The following ACAA2 variants were observed in gnomAD, a reference collection of about 807,000 sequenced individuals.
ACAA2 encodes 3-ketoacyl-CoA thiolase, mitochondrial.
A neutral mutation model predicts 44.8 loss-of-function variants in ACAA2; 35 were observed. That is an observed-to-expected ratio of 0.78 (90% CI 0.60 to 1.04). The LOEUF is 1.04. ACAA2 is among the 50% of genes least tolerant of loss of function. ACAA2 has a pLI of 0.00. For synonymous variants in ACAA2, 142 were observed against 166.5 expected, an observed-to-expected ratio of 0.85 and a Z score of 1.13; for missense variants, 468 against 482.6, an observed-to-expected ratio of 0.97 and a Z score of 0.28.
intron 9 of ACAA2, among the ~76,000 whole-genome samples, chr18:49,784,442 TA>T (rs2023303345): frequency 6.6e-6 from 1 of 152,220 alleles, no homozygotes; most frequent in Admixed American, 6.5e-5. Context: ...GTCCCTTTCA[TA>T]AAAATTAGAC....
chr18:49,797,428 A>G (rs2023477526), intron 3 of ACAA2, 38 bp downstream of exon 3: 1 of 1,576,116 alleles, frequency 6.3e-7, no homozygotes, highest in Admixed American at 1.8e-5. Context: ...GTAACTATTA[A>G]CATATTTTCA....
At chr18:49,786,719 T>G (rs1457050328) in intron 8 of ACAA2, 1 of 152,242 alleles carries the variant, frequency 6.6e-6, no homozygotes, top group Admixed American at 6.5e-5. Flanking sequence ...TCTCCACCTC[T>G]TCTTTTAATT....
chr18:49,797,803 A>AT (rs888321728), intron 2 of ACAA2, among the ~76,000 whole-genome samples: 2 of 152,032 alleles, frequency 1.3e-5, no homozygotes, highest in African/African-American at 4.8e-5. Flanking sequence ...GTTTTTTTCT[A>AT]TTTTTTTATT....
intron 9 of ACAA2, 59 bp from the exon 10 acceptor site, chr18:49,783,990 G>C (rs992449532): frequency 1.5e-6 from 2 of 1,370,416 alleles, no homozygotes; most frequent in African/African-American, 2.9e-5. Flanking sequence ...TAATGAAATA[G>C]AACTAATAAC....
intron 1 of ACAA2, among the ~76,000 whole-genome samples, chr18:49,809,799 G>A (rs1275599845): frequency 6.6e-6 from 1 of 152,144 alleles, no homozygotes; most frequent in African/African-American, 2.4e-5. Flanking sequence ...ACTGACATCG[G>A]TCATTTGCAC....
At chr18:49,812,506 A>G (rs1421586720) in intron 1 of ACAA2, among the ~76,000 whole-genome samples, 1 of 151,900 alleles carries the variant, frequency 6.6e-6, no homozygotes, top group Non-Finnish European at 1.5e-5. Flanking sequence ...CTCCAAATCT[A>G]TCTCAACTCA....
In ACAA2 at chr18:49,785,245, A is replaced by T; in HGVS notation, c.1061T>A (p.Leu354Gln). The T allele has an allele frequency of 6.2e-7, 1 of 1,614,196 alleles. No individual in the cohort carries two copies. Among genetic ancestry groups the T allele is most frequent in the Non-Finnish European group, 8.5e-7 (1 of 1,180,028 alleles). Residue 354 changes from leucine to glutamine, a missense_variant, in exon 9 of 10, where the codon CTG (leucine) becomes CAG (glutamine). By Grantham distance (113) the Leu-to-Gln change is moderately radical. Coordinates refer to ENST00000285093, the MANE Select transcript of ACAA2 (RefSeq NM_006111.3). Reference sequence around the variant, plus strand: ...AGTAATTCTTGATCCAGATCCTCCCAGTGGGTGACCCAAAGCAATGGCTCC... The same window carrying T: ...AGTAATTCTTGATCCAGATCCTCCCTGTGGGTGACCCAAAGCAATGGCTCC... ...NGGAIALGHPLGGSGSRITAH... is the reference protein window; with the variant it reads ...NGGAIALGHPQGGSGSRITAH...
In ACAA2 at chr18:49,794,403, A is replaced by C; in HGVS notation, c.454T>G (p.Leu152Val). The C allele has an allele frequency of 1.3e-6, 2 of 1,597,576 alleles. No homozygotes were observed. The highest frequency in any genetic ancestry group is 1.7e-6 in the Non-Finnish European group (2 of 1,174,076). ...GGGAGCTGGACATGCTGATCTGTTA[A>C]TGATACCCATAAAGAATCTTCCAGC... ...IKLEDSLWVS[L>V]TDQHVQLPMA... Residue 152 changes from leucine to valine, a missense_variant, in exon 5 of 10, where the codon TTA (leucine) becomes GTA (valine). Leu to Val is a conservative substitution (Grantham distance 32, BLOSUM62 1). Transcript: ENST00000285093.
chr18:49,805,791 A>C (rs2023604538), intron 1 of ACAA2, among the ~76,000 whole-genome samples: 1 of 147,782 alleles, frequency 6.8e-6, no homozygotes, highest in South Asian at 2.1e-4. Flanking sequence ...GGGTCTTGCT[A>C]TGTTTCCCAG....
chr18:49,787,257 T>C (rs1212728121), intron 8 of ACAA2, 34 bp downstream of exon 8: 1 of 1,124,272 alleles, frequency 8.9e-7, no homozygotes. Context: ...TTATTCATGT[T>C]GTTAAAAAAA....
intron 2 of ACAA2, among the ~76,000 whole-genome samples, chr18:49,800,289 C>T (rs564055920): frequency 7.1e-4 from 106 of 149,472 alleles, no homozygotes; most frequent in African/African-American, 1.5e-3. Context: ...GTCAGCCCCC[C>T]GCCCGGCCAG....
At chr18:49,785,093 A>T in intron 9 of ACAA2, 104 bp downstream of exon 9, 2 of 1,361,304 alleles carry the variant, frequency 1.5e-6, no homozygotes, top group South Asian at 1.4e-5. Flanking sequence ...AGTGCAGGAG[A>T]CATGAAGAAG....
chr18:49,806,737 T>C (rs969991468), intron 1 of ACAA2, among the ~76,000 whole-genome samples: 4 of 152,162 alleles, frequency 2.6e-5, no homozygotes, highest in Non-Finnish European at 5.9e-5. Flanking sequence ...CTCAAGGATG[T>C]AGAGGAAAAT....
At chr18:49,784,835 C>CTTTTTTTTTCTAAAATAGATT (rs2023308522) in intron 9 of ACAA2, among the ~76,000 whole-genome samples, 1 of 151,564 alleles carries the variant, frequency 6.6e-6, no homozygotes, top group Admixed American at 6.6e-5. Context: ...TCACTCAGTA[C>CTTTTTTTTTCTAAAATAGATT]TTTTTTTTTC....
chr18:49,801,810 A>ATATATATATATATCTC (rs1163274955), intron 2 of ACAA2, among the ~76,000 whole-genome samples: 1 of 144,990 alleles, frequency 6.9e-6, no homozygotes, highest in African/African-American at 2.5e-5. Context: ...ATATATATAT[A>ATATATATATATATCTC]TATATCTTAT....
intron 2 of ACAA2, among the ~76,000 whole-genome samples, chr18:49,800,290 G>A (rs868553680): frequency 1.4e-4 from 20 of 146,548 alleles, no homozygotes; most frequent in Middle Eastern, 4.0e-3. Flanking sequence ...TCAGCCCCCC[G>A]CCCGGCCAGC....
At chr18:49,811,291 T>G (rs906147802) in intron 1 of ACAA2, 2 of 152,134 alleles carry the variant, frequency 1.3e-5, no homozygotes, top group African/African-American at 4.8e-5. Context: ...TAGGTAAATA[T>G]TCACTTAGAG....
intron 2 of ACAA2, among the ~76,000 whole-genome samples, chr18:49,798,940 G>A (rs1942421): frequency 0.27 from 41,552 of 151,960 alleles, 6,998 homozygotes; most frequent in Middle Eastern, 0.46. Flanking sequence ...ATGGTTAAGA[G>A]AGAACAGAAT....
intron 7 of ACAA2, among the ~76,000 whole-genome samples, chr18:49,788,530 A>G (rs1484175982): frequency 6.6e-6 from 1 of 152,194 alleles, no homozygotes; most frequent in Non-Finnish European, 1.5e-5. Context: ...ACAGCTACTG[A>G]TTTACTACAG....
Sources: allele counts gnomAD v4.1 joint callset (sites outside exome capture counted in the v4.1 genomes callset), GRCh38; gene constraint gnomAD v4.1.1; transcripts MANE v1.5; gene names NCBI Gene and HGNC (gene_info 2026-07-23, HGNC 2026-07-21).